The following RSU1 variants were observed in gnomAD, a reference collection of about 807,000 sequenced individuals.
RSU1 encodes Ras suppressor protein 1, also known as rsu-1.
RSU1 carries 26 observed loss-of-function variants against 31.1 expected under a neutral mutation model. The ratio of observed to expected loss-of-function variants is 0.84; its 90% CI spans 0.61 to 1.16. The LOEUF is 1.16. Ranked by LOEUF, RSU1 falls within the 50% of genes most tolerant of loss-of-function variation. The pLI is 0.00. For missense variants in RSU1, 320 were observed against 339.1 expected, an observed-to-expected ratio of 0.94 and a Z score of 0.44; for synonymous variants, 164 against 136.3, an observed-to-expected ratio of 1.20 and a Z score of -1.41.
chr10:16,638,298 T>G (rs1235163251), intron 8 of RSU1, among the ~76,000 whole-genome samples: 1 of 151,968 alleles, frequency 6.6e-6, no homozygotes, highest in East Asian at 1.9e-4. Context: ...ACGTAATGCC[T>G]TTTTTTCGCG....
chr10:16,774,398 C>T (rs1837487028), intron 3 of RSU1, among the ~76,000 whole-genome samples: 2 of 151,958 alleles, frequency 1.3e-5, no homozygotes, highest in African/African-American at 4.8e-5. Flanking sequence ...CATGGTGAAA[C>T]CCGTCTCTAC....
chr10:16,697,319 G>A (rs1242690065), intron 7 of RSU1, among the ~76,000 whole-genome samples: 4 of 152,266 alleles, frequency 2.6e-5, no homozygotes, highest in Admixed American at 2.6e-4. Flanking sequence ...ACATCAGCAT[G>A]AATCAACTAT....
At chr10:16,623,617 T>A (rs993951847) in intron 8 of RSU1, among the ~76,000 whole-genome samples, 25 of 152,208 alleles carry the variant, frequency 1.6e-4, no homozygotes, top group African/African-American at 6.0e-4. Context: ...TTCACAGTGA[T>A]TGAACTAACT....
chr10:16,789,638 C>T (rs1375088938), intron 2 of RSU1, among the ~76,000 whole-genome samples: 3 of 152,180 alleles, frequency 2.0e-5, no homozygotes, highest in African/African-American at 4.8e-5. Flanking sequence ...AAGCTGCCCC[C>T]GTTGAACGTG....
At chr10:16,707,162 GA>G (rs1258075930) in intron 7 of RSU1, among the ~76,000 whole-genome samples, 2 of 152,110 alleles carry the variant, frequency 1.3e-5, no homozygotes, top group African/African-American at 4.8e-5. Context: ...CACTTAGGTT[GA>G]TTACGTATCT....
At chr10:16,731,154 C>T (rs965985160) in intron 7 of RSU1, among the ~76,000 whole-genome samples, 2 of 152,106 alleles carry the variant, frequency 1.3e-5, no homozygotes, top group East Asian at 1.9e-4. Flanking sequence ...TAAGTATTCT[C>T]GTGTCATTTT....
At chr10:16,799,345 CAG>C (rs1388710096) in intron 2 of RSU1, among the ~76,000 whole-genome samples, 10 of 152,166 alleles carry the variant, frequency 6.6e-5, no homozygotes, top group African/African-American at 1.4e-4. Context: ...ACTCAGGTCA[CAG>C]GGCAAACCAC....
At chr10:16,703,379 C>T (rs923479709) in intron 7 of RSU1, among the ~76,000 whole-genome samples, 3 of 152,140 alleles carry the variant, frequency 2.0e-5, no homozygotes, top group South Asian at 2.1e-4. Context: ...AGCAATCTGG[C>T]GATTTCTATT....
At chr10:16,635,279 T>C (rs1048322174) in intron 8 of RSU1, among the ~76,000 whole-genome samples, 1 of 152,220 alleles carries the variant, frequency 6.6e-6, no homozygotes, top group Non-Finnish European at 1.5e-5. Context: ...AATTATCATC[T>C]TTCTACTTTT....
chr10:16,711,916 T>C (rs1340970027), intron 7 of RSU1, among the ~76,000 whole-genome samples: 6 of 152,202 alleles, frequency 3.9e-5, no homozygotes, highest in East Asian at 3.8e-4. Flanking sequence ...GATGTAGTTT[T>C]AGTCTGATAT....
intron 2 of RSU1, among the ~76,000 whole-genome samples, chr10:16,808,010 A>C (rs1455443552): frequency 1.4e-5 from 2 of 138,944 alleles, no homozygotes; most frequent in Admixed American, 7.2e-5. Context: ...GTGACACAGC[A>C]AGACTCTGTC....
intron 7 of RSU1, among the ~76,000 whole-genome samples, chr10:16,711,922 G>GA (rs1366668632): frequency 6.6e-6 from 1 of 152,122 alleles, no homozygotes; most frequent in Non-Finnish European, 1.5e-5. Context: ...GTTTTAGTCT[G>GA]ATATTTCTTT....
At chr10:16,702,299 A>G (rs1835807977) in intron 7 of RSU1, among the ~76,000 whole-genome samples, 1 of 152,220 alleles carries the variant, frequency 6.6e-6, no homozygotes, top group African/African-American at 2.4e-5. Flanking sequence ...CACAGTCTCC[A>G]CTGAGGAACC....
intron 8 of RSU1, among the ~76,000 whole-genome samples, chr10:16,641,737 C>A (rs912505037): frequency 9.2e-5 from 14 of 152,108 alleles, no homozygotes; most frequent in Non-Finnish European, 4.4e-5. Flanking sequence ...CTGCTACTAC[C>A]CAGGGATATT....
chr10:16,751,683 A>C lies in RSU1; in HGVS notation c.598+856T>G, dbSNP rs371004490. Among the ~76,000 whole-genome samples, 22 of 152,220 alleles carry C rather than the reference A, an allele frequency of 1.4e-4. No individual in the cohort carries two copies. The East Asian group carries it at 2.1e-3, about 15-fold the overall frequency. On this transcript the variant is annotated intron_variant, in intron 7 of 8. Transcript: ENST00000345264. ...CTAATTTCTAACAAATGGCCTCTTC[A>C]AACTGCCAAACTTGTTTAAAGAACT...
chr10:16,652,330 A>C (rs1834699191), intron 8 of RSU1, among the ~76,000 whole-genome samples: 1 of 144,006 alleles, frequency 6.9e-6, no homozygotes, highest in Admixed American at 7.6e-5. Context: ...ATTGAGAAAG[A>C]CTGTAGCTCA....
intron 8 of RSU1, among the ~76,000 whole-genome samples, chr10:16,681,268 T>C (rs970371919): frequency 1.3e-5 from 2 of 152,250 alleles, no homozygotes; most frequent in Non-Finnish European, 2.9e-5. Context: ...ATTTATCTGA[T>C]AATAAATTTT....
chr10:16,720,241 C>G (rs1257547266), intron 7 of RSU1, among the ~76,000 whole-genome samples: 1 of 152,160 alleles, frequency 6.6e-6, no homozygotes, highest in Non-Finnish European at 1.5e-5. Flanking sequence ...CTGATTATCC[C>G]TAAACCAGTA....
chr10:16,781,646 G>C (rs926705270), intron 3 of RSU1, among the ~76,000 whole-genome samples: 1 of 152,150 alleles, frequency 6.6e-6, no homozygotes, highest in South Asian at 2.1e-4. Flanking sequence ...ACCACTTCCA[G>C]AGCAACAATG....
Sources: gnomAD v4.1 joint callset for allele counts (sites outside exome capture counted in the v4.1 genomes callset) on GRCh38, gnomAD v4.1.1 for gene constraint, MANE v1.5 for transcripts, NCBI Gene and HGNC (gene_info 2026-07-23, HGNC 2026-07-21) for gene names.